Variants in NUP210L observed in about 807,000 individuals in gnomAD.
NUP210L encodes nuclear pore membrane glycoprotein 210-like.
A neutral mutation model predicts 208.5 loss-of-function variants in NUP210L; 74 were observed. The ratio of observed to expected loss-of-function variants is 0.35; its 90% confidence interval spans 0.29 to 0.43. The LOEUF (loss-of-function observed/expected upper bound fraction) is 0.43. NUP210L is among the 20% of genes least tolerant of loss of function. The probability of loss-of-function intolerance (pLI) is 1.00; values close to 1 mark genes in which losing one functional copy is unlikely to be tolerated. For missense variants in NUP210L, 1,843 were observed against 2,289.4 expected, an observed-to-expected ratio of 0.81 and a Z score of 3.98; for synonymous variants, 780 against 816.9, an observed-to-expected ratio of 0.95 and a Z score of 0.77.
rs533134734 is a variant in NUP210L at position 154,123,294 on chromosome 1, C to T, written c.1326+3029G>A. Among the ~76,000 whole-genome samples, 87 of 152,088 alleles carry T rather than the reference C, an allele frequency of 5.7e-4. 1 individual carries two copies. The highest frequency in any genetic ancestry group is 1.9e-3 in the African/African-American group (78 of 41,526). Reference sequence around the variant, plus strand: ...CCGAGTATCCGGGATTATAGGCACGCGCCACCACGCCCAGCTAATTTTTGC... The same window carrying T: ...CCGAGTATCCGGGATTATAGGCACGTGCCACCACGCCCAGCTAATTTTTGC... On this transcript the variant is annotated intron_variant, in intron 10 of 39. Coordinates refer to ENST00000368559, the Ensembl canonical transcript of NUP210L.
chr1:154,136,655 T>C (rs1378063724), intron 6 of NUP210L, among the ~76,000 whole-genome samples: 1 of 150,628 alleles, frequency 6.6e-6, no homozygotes, highest in African/African-American at 2.4e-5. Flanking sequence ...GTGCGGTGGT[T>C]CACGCCTGTA....
At position 154,089,739 on chromosome 1, in the gene NUP210L, T is replaced by C. The variant is rs539237327; in HGVS notation, c.2188-145A>G. Reference sequence around the variant, plus strand: ...TCCGGCAAATCCCTTAAAGACATTATAGTTCTTAATTATCTATGCTAAAGG... The same window carrying C: ...TCCGGCAAATCCCTTAAAGACATTACAGTTCTTAATTATCTATGCTAAAGG... On this transcript the variant is annotated intron_variant, in intron 15 of 39. Transcript: ENST00000368559. The C allele has an allele frequency of 1.1e-3, 683 of 648,480 alleles. 4 individuals carry two copies. Among genetic ancestry groups the C allele is most frequent in the Middle Eastern group, 6.4e-3 (15 of 2,344 alleles). The allele number at this position is 648,480 out of a possible 1,614,324, so 40.2% of individuals were successfully genotyped here.
intron 34 of NUP210L, among the ~76,000 whole-genome samples, 157 bp downstream of exon 34, chr1:154,012,087 T>C (rs1650960665): frequency 6.6e-6 from 1 of 152,172 alleles, no homozygotes; most frequent in Non-Finnish European, 1.5e-5. Flanking sequence ...CTAGTCATAA[T>C]TTCTGAGGTC....
At chr1:154,085,217 G>T (rs1655560767) in intron 16 of NUP210L, among the ~76,000 whole-genome samples, 1 of 150,322 alleles carries the variant, frequency 6.7e-6, no homozygotes, top group East Asian at 2.0e-4. Context: ...AGGCTTGGTA[G>T]TGGGCGCCTG....
intron 27 of NUP210L, 112 bp downstream of exon 27, chr1:154,045,957 C>T: frequency 9.9e-7 from 1 of 1,008,326 alleles, no homozygotes; most frequent in Non-Finnish European, 1.4e-6. Context: ...TGCACTCCAG[C>T]CTGGGGGACA....
At chr1:153,995,604 C>T in intron 37 of NUP210L, 1 of 881,312 alleles carries the variant, frequency 1.1e-6, no homozygotes, top group Admixed American at 1.7e-5. Flanking sequence ...TCTTCCTCTT[C>T]CAGGGACGTT....
chr1:154,118,959 C>A, intron 10 of NUP210L, 151 bp from the exon 11 acceptor site: 1 of 429,004 alleles, frequency 2.3e-6, no homozygotes, highest in Non-Finnish European at 4.1e-6. Context: ...TATTTCTCTT[C>A]ATTAAATAAG....
intron 5 of NUP210L, 152 bp from the exon 6 acceptor site, chr1:154,138,390 T>C (rs570476529): frequency 3.4e-6 from 2 of 590,292 alleles, no homozygotes; most frequent in Admixed American, 8.4e-5. Flanking sequence ...AAGTCATAAT[T>C]TCAGCTAGCC....
In NUP210L at chr1:154,118,659, A is replaced by G; in HGVS notation, c.1464+12T>C. On this transcript the variant is annotated intron_variant, in intron 11 of 39. Coordinates refer to ENST00000368559, the Ensembl canonical transcript of NUP210L. ...GGCTTATCTCCTTGTGAAGCCTTAT[A>G]GGACACCATACCTGTACTTTATAAC... 2.0e-6 allele frequency: 3 copies of G among 1,519,432 alleles called. No homozygotes were observed. The highest frequency in any genetic ancestry group is 2.7e-6 in the Non-Finnish European group (3 of 1,128,996). 94.1% of individuals were successfully genotyped at this position (1,519,432 alleles called of 1,614,324 possible).
intron 32 of NUP210L, 92 bp downstream of exon 32, chr1:154,022,034 C>T: frequency 8.5e-7 from 1 of 1,176,226 alleles, no homozygotes; most frequent in Non-Finnish European, 1.3e-6. Context: ...TATACCAGTC[C>T]AAGGGATTAA....
At chr1:154,080,474 G>A (rs1287301113) in intron 16 of NUP210L, among the ~76,000 whole-genome samples, 4 of 152,064 alleles carry the variant, frequency 2.6e-5, no homozygotes, top group Non-Finnish European at 1.5e-5. Flanking sequence ...AGGAATTCAG[G>A]AATTTGAGAC....
rs1652113884 is a variant in NUP210L, at chr1:154,029,882, A to G, written c.3855+14T>C. On this transcript the variant is annotated intron_variant, in intron 28 of 39. Transcript: ENST00000368559. ...CTTAATATACGAAAATAAGATTTAGATTTGGAAGCTTACCAGGATCTGTAC... is the reference window on the plus strand; with the variant it reads ...CTTAATATACGAAAATAAGATTTAGGTTTGGAAGCTTACCAGGATCTGTAC... 6.3e-7 allele frequency: 1 copy of G among 1,590,908 alleles called. No homozygotes were observed. The highest frequency in any genetic ancestry group is 8.5e-7 in the Non-Finnish European group (1 of 1,171,468).
At chr1:154,019,897 G>A (rs1436608171) in intron 32 of NUP210L, among the ~76,000 whole-genome samples, 1 of 152,140 alleles carries the variant, frequency 6.6e-6, no homozygotes, top group East Asian at 1.9e-4. Flanking sequence ...TTGCACTCCA[G>A]CCTGGGTGAT....
chr1:154,082,010 T>G (rs1655359701), intron 16 of NUP210L, among the ~76,000 whole-genome samples: 1 of 152,130 alleles, frequency 6.6e-6, no homozygotes, highest in South Asian at 2.1e-4. Flanking sequence ...ACACCAAAAC[T>G]CAGTGGAATT....
chr1:154,113,289 T>C (rs1657139208), intron 12 of NUP210L, among the ~76,000 whole-genome samples: 1 of 150,522 alleles, frequency 6.6e-6, no homozygotes, highest in Non-Finnish European at 1.5e-5. Context: ...TTTACTATTA[T>C]ACACAATGTA....
At chr1:154,151,454 T>C (rs1455368668) in intron 2 of NUP210L, among the ~76,000 whole-genome samples, 1 of 143,968 alleles carries the variant, frequency 6.9e-6, no homozygotes, top group Non-Finnish European at 1.5e-5. Context: ...ATTTGTAGAA[T>C]AGGTGTTAGT....
intron 27 of NUP210L, among the ~76,000 whole-genome samples, chr1:154,034,992 C>T (rs1197119127): frequency 6.6e-6 from 1 of 151,960 alleles, no homozygotes; most frequent in Non-Finnish European, 1.5e-5. Flanking sequence ...CAGGTGTGTA[C>T]CACCATGCCT....
intron 16 of NUP210L, among the ~76,000 whole-genome samples, chr1:154,082,324 C>T (rs908538726): frequency 1.3e-5 from 2 of 152,090 alleles, no homozygotes; most frequent in Non-Finnish European, 2.9e-5. Flanking sequence ...ATATTGGTGT[C>T]AGAATTGCAT....
intron 12 of NUP210L, among the ~76,000 whole-genome samples, chr1:154,112,530 T>C (rs757469394): frequency 1.4e-4 from 22 of 152,162 alleles, no homozygotes; most frequent in Non-Finnish European, 2.6e-4. Flanking sequence ...TTATGCATTG[T>C]ATGGCCATAT....
Sources: gnomAD v4.1 joint callset for allele counts (sites outside exome capture counted in the v4.1 genomes callset) on GRCh38, gnomAD v4.1.1 for gene constraint, MANE v1.5 for transcripts, NCBI Gene and HGNC (gene_info 2026-07-23, HGNC 2026-07-21) for gene names.